The following ZWILCH variants were observed in gnomAD, a reference collection of about 807,000 sequenced individuals.
The protein encoded by ZWILCH is zwilch kinetochore protein, also known as protein zwilch homolog.
A neutral mutation model predicts 79.9 loss-of-function variants in ZWILCH; 74 were observed. That is an observed-to-expected ratio of 0.93 (90% confidence interval 0.77 to 1.12). The LOEUF is 1.12. Among genes scored for constraint, ZWILCH ranks in the 50% most tolerant of loss-of-function variants. The pLI, the probability that ZWILCH is intolerant of heterozygous loss-of-function variation, is 0.00. For missense variants in ZWILCH, 694 were observed against 687.5 expected (o/e 1.01, Z -0.11); for synonymous variants, 241 against 228.2 (o/e 1.06, Z -0.51).
intron 1 of ZWILCH, among the ~76,000 whole-genome samples, chr15:66,508,207 A>C (rs2140731548): frequency 6.6e-6 from 1 of 152,264 alleles, no homozygotes; most frequent in Admixed American, 6.5e-5. Context: ...TGGTATGTTA[A>C]TGGATTACAG....
Position 66,548,726 on chromosome 15 carries a change from C to A in ZWILCH, c.*402C>A. The stretch of plus-strand genomic sequence containing the variant: ...TTAAAAAATAGCATCCTCAAATTTT[C>A]TGATTCTTATTTGCCATGAAATAGA... On this transcript the variant is annotated 3_prime_UTR_variant, in exon 19 of 19. Coordinates refer to ENST00000307897, the MANE Select transcript of ZWILCH (RefSeq NM_017975.5). The A allele has an allele frequency of 2.0e-6, 1 of 495,710 alleles. No individual in the cohort carries two copies. The allele number at this position is 495,710 out of a possible 1,614,324, so 30.7% of individuals were successfully genotyped here.
At position 66,521,173 on chromosome 15, in the gene ZWILCH, C is replaced by G. The variant is rs780768540; in HGVS notation, c.715C>G (p.Gln239Glu). Reference sequence around the variant, plus strand: ...CTGGAGTCCTGTGGATGAGATTCTTCAAATCCCTCCACTCTCTTCAACTGC... The same window carrying G: ...CTGGAGTCCTGTGGATGAGATTCTTGAAATCCCTCCACTCTCTTCAACTGC... Reference protein sequence around the residue: ...ISWSPVDEILQIPPLSSTATL... With the variant: ...ISWSPVDEILEIPPLSSTATL... Residue 239 changes from glutamine (Q) to glutamate (E), a missense_variant, in exon 7 of 19, where the codon CAA (glutamine) becomes GAA (glutamate). Transcript: ENST00000307897. 1.2e-6 allele frequency: 2 copies of G among 1,613,140 alleles called. No individual in the cohort carries two copies. Among genetic ancestry groups the G allele is most frequent in the Admixed American group, 3.3e-5 (2 of 60,028 alleles).
At chr15:66,509,583 G>T (rs1555423488) in intron 2 of ZWILCH, among the ~76,000 whole-genome samples, 1 of 151,786 alleles carries the variant, frequency 6.6e-6, no homozygotes, top group Non-Finnish European at 1.5e-5. Context: ...AGGACATTGG[G>T]TTTTTTCCAG....
intron 2 of ZWILCH, among the ~76,000 whole-genome samples, chr15:66,511,513 TAAAAA>T (rs1894063844): frequency 6.7e-6 from 1 of 149,334 alleles, no homozygotes; most frequent in African/African-American, 2.4e-5. Context: ...AAAAAAAAGA[TAAAAA>T]GAAACTGTTC....
At chr15:66,520,745 A>C (rs1239135908) in intron 6 of ZWILCH, 85 bp downstream of exon 6, 1 of 855,310 alleles carries the variant, frequency 1.2e-6, no homozygotes, top group East Asian at 2.6e-5. Context: ...TTTCACTCCT[A>C]AGATGACTAG....
Position 66,537,355 on chromosome 15 carries a change from C to T in ZWILCH, c.1574+92C>T, listed in dbSNP as rs188728232. 3.2e-4 allele frequency: 276 copies of T among 860,346 alleles called. 2 individuals are homozygous for T. The Admixed American group carries it at 3.8e-3, about 12-fold the overall frequency. The allele number at this position is 860,346 out of a possible 1,614,324, so 53.3% of individuals were successfully genotyped here. A position where few individuals can be genotyped will look rare whatever the true frequency, so the allele number is the denominator to read the frequency against. On this transcript the variant is annotated intron_variant, in intron 16 of 18. Coordinates refer to ENST00000307897, the MANE Select transcript of ZWILCH (RefSeq NM_017975.5). ...GGAGGATAACTTGAGCTCAGGAGTT[C>T]GAGACCAGCCTGGGCAACATAATGA...
intron 2 of ZWILCH, among the ~76,000 whole-genome samples, chr15:66,510,342 G>A (rs8032532): frequency 3.5e-5 from 5 of 144,716 alleles, no homozygotes; most frequent in African/African-American, 7.7e-5. Flanking sequence ...AGCAGAGATC[G>A]CACCACTGCA....
At chr15:66,538,523 C>T (rs1895087018) in intron 16 of ZWILCH, among the ~76,000 whole-genome samples, 1 of 152,042 alleles carries the variant, frequency 6.6e-6, no homozygotes, top group Admixed American at 6.6e-5. Flanking sequence ...GCTGGGATTA[C>T]AGGCGCCCAC....
rs1464677452 is a variant in ZWILCH, at chr15:66,528,874, C to T, written c.992C>T (p.Ala331Val). Reference sequence around the variant, plus strand: ...CAGACCTTGAAGCATGACACTGCTGCAGTCGATCGTTCCGTCAAGCGTCTT... The same window carrying T: ...CAGACCTTGAAGCATGACACTGCTGTAGTCGATCGTTCCGTCAAGCGTCTT... ...EVETLKHDTA[A>V]VDRSVKRLFK... The change falls in exon 11 of 19, where the codon GCA becomes GTA. Residue 331 changes from alanine (A) to valine (V), a missense_variant. Transcript: ENST00000307897. 2 of 1,613,994 alleles carry T rather than the reference C, an allele frequency of 1.2e-6. No individual in the cohort carries two copies. Among genetic ancestry groups the T allele is most frequent in the East Asian group, 2.2e-5 (1 of 44,868 alleles).
At chr15:66,515,703 T>G in intron 4 of ZWILCH, 59 bp downstream of exon 4, 1 of 1,234,618 alleles carries the variant, frequency 8.1e-7, no homozygotes. Context: ...GAAACATTCT[T>G]ATAAACGTTG....
intron 4 of ZWILCH, among the ~76,000 whole-genome samples, chr15:66,517,750 T>G (rs1414309240): frequency 3.0e-5 from 2 of 66,520 alleles, no homozygotes; most frequent in Non-Finnish European, 5.6e-5. Context: ...TTTTTTTTTT[T>G]TTGAGACAGA....
chr15:66,530,656 A>C, intron 12 of ZWILCH, among the ~76,000 whole-genome samples: 1 of 152,170 alleles, frequency 6.6e-6, no homozygotes, highest in East Asian at 1.9e-4. Flanking sequence ...AAGTTTTTCC[A>C]ACTGTGTTAT....
At chr15:66,542,216 C>T (rs911749875) in intron 17 of ZWILCH, among the ~76,000 whole-genome samples, 3 of 151,848 alleles carry the variant, frequency 2.0e-5, no homozygotes, top group Non-Finnish European at 4.4e-5. Context: ...TTTGGGAGGC[C>T]GAGGTGGGCG....
intron 16 of ZWILCH, among the ~76,000 whole-genome samples, chr15:66,537,688 T>C (rs1895059168): frequency 1.3e-5 from 2 of 152,134 alleles, no homozygotes; most frequent in South Asian, 4.2e-4. Flanking sequence ...TGAAACTCCG[T>C]CTCAAAAAAT....
chr15:66,522,460 C>G (rs1227539258), intron 7 of ZWILCH, among the ~76,000 whole-genome samples: 1 of 151,464 alleles, frequency 6.6e-6, no homozygotes, highest in Middle Eastern at 3.2e-3. Flanking sequence ...GCCTCAGCCT[C>G]CCAAGTAGCT....
chr15:66,543,088 A>T (rs2140810845), intron 17 of ZWILCH, among the ~76,000 whole-genome samples: 1 of 152,306 alleles, frequency 6.6e-6, no homozygotes, highest in Non-Finnish European at 1.5e-5. Flanking sequence ...AATCCCAGCT[A>T]CTTGGGATGC....
At chr15:66,544,724 T>TGTGTGTGTGTGTGTGTGTGTG (rs1555426548) in intron 17 of ZWILCH, among the ~76,000 whole-genome samples, 34 of 128,544 alleles carry the variant, frequency 2.6e-4, no homozygotes, top group African/African-American at 8.6e-4. Context: ...TTTTTGGTTT[T>TGTGTGTGTGTGTGTGTGTGTG]TGTGTGTGTG....
chr15:66,515,753 C>A, intron 4 of ZWILCH, 109 bp downstream of exon 4: 1 of 761,080 alleles, frequency 1.3e-6, no homozygotes, highest in African/African-American at 1.8e-5. Context: ...TCCTTCATCT[C>A]CCCCACCCCC....
intron 4 of ZWILCH, among the ~76,000 whole-genome samples, chr15:66,517,664 A>G (rs1894333707): frequency 6.7e-6 from 1 of 148,686 alleles, no homozygotes; most frequent in African/African-American, 2.5e-5. Context: ...AATTTTGTTA[A>G]CTGTCTCACT....
Sources: gnomAD v4.1 joint callset for allele counts (sites outside exome capture counted in the v4.1 genomes callset) on GRCh38, gnomAD v4.1.1 for gene constraint, MANE v1.5 for transcripts, NCBI Gene and HGNC (gene_info 2026-07-23, HGNC 2026-07-21) for gene names.